The following UBASH3A variants were observed in gnomAD, a reference collection of about 807,000 sequenced individuals.
The protein encoded by UBASH3A is ubiquitin-associated and SH3 domain-containing protein A.
UBASH3A carries 63 observed loss-of-function variants against 73.5 expected under a neutral mutation model. That is an observed-to-expected ratio of 0.86 (90% CI 0.70 to 1.06). The LOEUF (loss-of-function observed/expected upper bound fraction) is 1.06, where lower values mean the gene tolerates loss of function less well. Among genes scored for constraint, UBASH3A ranks in the 50% least tolerant of loss-of-function variants. The probability of loss-of-function intolerance (pLI) is 0.00; values close to 1 mark genes in which losing one functional copy is unlikely to be tolerated. For missense variants in UBASH3A, 860 were observed against 859.0 expected, an observed-to-expected ratio of 1.00 and a Z score of -0.02; for synonymous variants, 363 against 351.1, an observed-to-expected ratio of 1.03 and a Z score of -0.38.
chr21:42,406,521 T>G (rs1005154368), intron 2 of UBASH3A, among the ~76,000 whole-genome samples, 160 bp downstream of exon 2: 11 of 152,098 alleles, frequency 7.2e-5, no homozygotes, highest in Non-Finnish European at 2.9e-5. Flanking sequence ...TGCCTACCCA[T>G]AGTGCACTGA....
chr21:42,444,449 G>GC lies in UBASH3A; in HGVS notation c.1739-79dup, dbSNP rs879251535. ...CTTCGGGGCACTCTGAGATAGCTCT[G>GC]CCCCCCACCACTTTGGGGACCCCAG... On this transcript the variant is annotated intron_variant, in intron 13 of 14. Transcript: ENST00000319294. The GC allele has an allele frequency of 1.8e-4, 177 of 1,006,272 alleles. 4 individuals carry two copies. The South Asian group carries it at 2.2e-3, about 12-fold the overall frequency. The allele number at this position is 1,006,272 out of a possible 1,614,324, so 62.3% of individuals were successfully genotyped here.
intron 8 of UBASH3A, among the ~76,000 whole-genome samples, chr21:42,431,000 G>A (rs78295531): frequency 0.11 from 17,141 of 152,260 alleles, 1,069 homozygotes; most frequent in East Asian, 0.2. Context: ...GGAAGCAGCC[G>A]AGCCTGGTGT....
At position 42,442,640 on chromosome 21, in the gene UBASH3A, A is replaced by G. The variant is rs376291104; in HGVS notation, c.1631+44A>G. 5.6e-4 allele frequency: 882 copies of G among 1,567,396 alleles called. 6 individuals carry two copies. Among genetic ancestry groups the G allele is most frequent in the South Asian group, 5.1e-3 (427 of 84,468 alleles). ...CTCTGCCACTGGGGCTTTTCCAGTT[A>G]TTGTTAAAGAAAAATTTCATGACAC... is the stretch of plus-strand genomic sequence containing the variant. On this transcript the variant is annotated intron_variant, in intron 12 of 14. Coordinates refer to ENST00000319294, the MANE Select transcript of UBASH3A (RefSeq NM_018961.4).
chr21:42,436,178 GAGTT>G (rs202025251), intron 10 of UBASH3A, among the ~76,000 whole-genome samples: 3,478 of 152,162 alleles, frequency 0.023, 123 homozygotes, highest in African/African-American at 0.078. Flanking sequence ...TAGAGTTATA[GAGTT>G]AGTTATAGAG....
At chr21:42,412,687 A>T (rs889426035) in intron 3 of UBASH3A, among the ~76,000 whole-genome samples, 2 of 152,168 alleles carry the variant, frequency 1.3e-5, no homozygotes, top group Non-Finnish European at 2.9e-5. Context: ...ACCTGAGCAA[A>T]GCAGTGTGCC....
Position 42,432,174 on chromosome 21 carries a change from A to G in UBASH3A, c.1242A>G (p.Ala414=), listed in dbSNP as rs745935832. Residue 414 remains alanine, a synonymous_variant, in exon 9 of 15, where the codon GCA becomes GCG. Coordinates refer to ENST00000319294, the MANE Select transcript of UBASH3A (RefSeq NM_018961.4). ...GAGTGGATCAGATCTTCGGGAAGGC[A>G]TGGCTGCAGCAATGCTCCACTCCTG... ...GERVDQIFGK[A]WLQQCSTPDG... is the part of the protein sequence containing the mutation. The G allele has an allele frequency of 1.2e-5, 20 of 1,613,416 alleles. No individual in the cohort carries two copies. The highest frequency in any genetic ancestry group is 5.5e-5 in the South Asian group (5 of 90,966).
chr21:42,441,999 C>G (rs1404830534), intron 11 of UBASH3A, among the ~76,000 whole-genome samples: 15 of 152,186 alleles, frequency 9.9e-5, no homozygotes, highest in Admixed American at 9.8e-4. Flanking sequence ...CACCTCTTGC[C>G]CCGTCTGTGT....
At chr21:42,405,819 A>C (rs1015998062) in intron 1 of UBASH3A, among the ~76,000 whole-genome samples, 1 of 152,126 alleles carries the variant, frequency 6.6e-6, no homozygotes, top group African/African-American at 2.4e-5. Flanking sequence ...GGGACTGTGT[A>C]AGCCGTAACA....
At chr21:42,406,444 A>G (rs1294901221) in intron 2 of UBASH3A, 83 bp downstream of exon 2, 1 of 1,232,162 alleles carries the variant, frequency 8.1e-7, no homozygotes, top group Non-Finnish European at 1.2e-6. Flanking sequence ...CAGGGCTGAT[A>G]CCAGGAAGAG....
intron 7 of UBASH3A, among the ~76,000 whole-genome samples, chr21:42,424,141 G>C (rs1267263125): frequency 6.6e-6 from 1 of 152,048 alleles, no homozygotes; most frequent in Non-Finnish European, 1.5e-5. Context: ...TGCAGATGTT[G>C]AATAATTACT....
Position 42,413,580 on chromosome 21 carries a change from C to G in UBASH3A, c.667+57C>G. ...TGGTCTTCTCTTTAGGCGGGAATAG[C>G]CTTGTTCTCATTATGTGGTTTTTAA... On this transcript the variant is annotated intron_variant, in intron 5 of 14. Coordinates refer to ENST00000319294, the MANE Select transcript of UBASH3A (RefSeq NM_018961.4). This position sits in a 1 kb window ranked among gnomAD's most constrained non-coding sequence, Gnocchi z 4.5. 7.7e-7 allele frequency: 1 copy of G among 1,290,472 alleles called. No individual in the cohort carries two copies. The allele number at this position is 1,290,472 out of a possible 1,614,324, so 79.9% of individuals were successfully genotyped here. A position where few individuals can be genotyped will look rare whatever the true frequency, so the allele number is the denominator to read the frequency against.
intron 1 of UBASH3A, among the ~76,000 whole-genome samples, chr21:42,404,986 A>G (rs1184976118): frequency 1.3e-5 from 2 of 152,142 alleles, no homozygotes; most frequent in East Asian, 1.9e-4. Flanking sequence ...TGTATCAGAA[A>G]CACACTTTAA....
Position 42,410,117 on chromosome 21 carries a change from G to T in UBASH3A, c.354+509G>T, listed in dbSNP as rs1477116088. On this transcript the variant is annotated intron_variant, in intron 3 of 14. Transcript: ENST00000319294. ...ATGCAGAACTTTTCCCTGTCTCAGG[G>T]ACCAGCCGTCTGATTCAGAAAAAAA... The T allele has an allele frequency of 5.7e-6, 4 of 702,234 alleles. No homozygotes were observed. The Admixed American group carries it at 8.0e-5, about 14-fold the overall frequency. 43.5% of individuals were successfully genotyped at this position (702,234 alleles called of 1,614,324 possible). A position where few individuals can be genotyped will look rare whatever the true frequency, so the allele number is the denominator to read the frequency against.
At position 42,437,479 on chromosome 21, in the gene UBASH3A, A is replaced by G; in HGVS notation, c.1394-9A>G. ...AGGGGCATTTTCTGCCTTTTTCACT[A>G]TTTTCCAGGGGACGCGCTACTGGAC... On this transcript the variant is annotated splice_polypyrimidine_tract_variant and intron_variant, in intron 10 of 14. Transcript: ENST00000319294. 6.2e-7 allele frequency: 1 copy of G among 1,613,562 alleles called. No individual in the cohort carries two copies. Among genetic ancestry groups the G allele is most frequent in the East Asian group, 2.2e-5 (1 of 44,878 alleles).
chr21:42,447,014 C>T, intron 14 of UBASH3A, 43 bp from the exon 15 acceptor site: 2 of 1,586,714 alleles, frequency 1.3e-6, no homozygotes, highest in Non-Finnish European at 1.7e-6. Flanking sequence ...AATTGATGGA[C>T]TTGCTATAAG....
At chr21:42,426,575 T>C in intron 7 of UBASH3A, 122 bp from the exon 8 acceptor site, 1 of 1,163,148 alleles carries the variant, frequency 8.6e-7, no homozygotes, top group Non-Finnish European at 1.2e-6. Flanking sequence ...TTTGTGCTCA[T>C]GGGAACCTTT....
At chr21:42,429,473 T>A (rs1011528258) in intron 8 of UBASH3A, among the ~76,000 whole-genome samples, 2 of 152,160 alleles carry the variant, frequency 1.3e-5, no homozygotes, top group Admixed American at 1.3e-4. Context: ...TTTAAAATGC[T>A]CTGAGCTCTT....
chr21:42,406,334 G>A lies in UBASH3A; in HGVS notation c.140G>A (p.Arg47Lys), dbSNP rs535815573. The A allele has an allele frequency of 1.9e-6, 3 of 1,613,994 alleles. No individual in the cohort carries two copies. The highest frequency in any genetic ancestry group is 2.5e-6 in the Non-Finnish European group (3 of 1,179,970). ...TALKALAATGRKTAEEALAWL... is the reference protein window; with the variant it reads ...TALKALAATGKKTAEEALAWL... ...CTGAAAGCGTTGGCAGCCACGGGGA[G>A]GAAGACGGCGGAGGAGGCCTTGGCC... The change falls in exon 2 of 15, where the codon AGG (arginine) becomes AAG (lysine). Residue 47 changes from arginine to lysine, a missense_variant. Coordinates refer to ENST00000319294, the MANE Select transcript of UBASH3A (RefSeq NM_018961.4).
At chr21:42,429,605 G>A (rs2053495414) in intron 8 of UBASH3A, among the ~76,000 whole-genome samples, 1 of 152,146 alleles carries the variant, frequency 6.6e-6, no homozygotes, top group Admixed American at 6.5e-5. Context: ...TTGCAGATCA[G>A]CTCTCTACAG....
Sources: allele counts gnomAD v4.1 joint callset (sites outside exome capture counted in the v4.1 genomes callset), GRCh38; gene constraint gnomAD v4.1.1; non-coding constraint Gnocchi (gnomAD v3.1); transcripts MANE v1.5; gene names NCBI Gene and HGNC (gene_info 2026-07-23, HGNC 2026-07-21).